Variants in ADAMTS8 observed in about 807,000 individuals in gnomAD.
ADAMTS8 encodes the protein A disintegrin and metalloproteinase with thrombospondin motifs 8.
Under a neutral mutation model 64.4 loss-of-function variants are expected in ADAMTS8, and 50 were observed. That is an observed-to-expected ratio of 0.78 (90% confidence interval 0.62 to 0.98). ADAMTS8 has a LOEUF of 0.98. Ranked by LOEUF, ADAMTS8 falls within the 50% of genes least tolerant of loss-of-function variation. The probability of loss-of-function intolerance (pLI) is 0.00; values close to 1 mark genes in which losing one functional copy is unlikely to be tolerated. For synonymous variants in ADAMTS8, 556 were observed against 533.6 expected, an observed-to-expected ratio of 1.04 and a Z score of -0.58; for missense variants, 1,192 against 1,208.2, an observed-to-expected ratio of 0.99 and a Z score of 0.20.
At chr11:130,409,023 C>T in intron 6 of ADAMTS8, 83 bp from the exon 7 acceptor site, 1 of 1,475,578 alleles carries the variant, frequency 6.8e-7, no homozygotes, top group Non-Finnish European at 9.0e-7. Context: ...ATTTACAGCA[C>T]TTTTCTTCTT....
chr11:130,427,676 G>A lies in ADAMTS8; in HGVS notation c.611C>T (p.Pro204Leu). 6.3e-7 allele frequency: 1 copy of A among 1,596,758 alleles called. No individual in the cohort carries two copies. Among genetic ancestry groups the A allele is most frequent in the South Asian group, 1.1e-5 (1 of 88,410 alleles). ...CTTGGTCCTACTCGTGGCCCCCAGGGGCGGTGGCGGCTCGCTAGCGCCTTC... is the reference window on the plus strand; with the variant it reads ...CTTGGTCCTACTCGTGGCCCCCAGGAGCGGTGGCGGCTCGCTAGCGCCTTC... ...EAEGASEPPP[P>L]LGATSRTKRF... Residue 204 changes from proline (P) to leucine (L), a missense_variant, in exon 1 of 9, where the codon CCC (proline) becomes CTC (leucine). By Grantham distance (98) the Pro-to-Leu change is moderately conservative. Transcript: ENST00000257359.
In ADAMTS8 at chr11:130,424,463, C is replaced by T. The variant is rs140803077; in HGVS notation, c.720+3104G>A. On this transcript the variant is annotated intron_variant, in intron 1 of 8. Transcript: ENST00000257359. ...GAAGCAGCCACACAGGTGCTCAGACCGGGATTGATCACCTAGTCCAGGTGT... is the reference window on the plus strand; with the variant it reads ...GAAGCAGCCACACAGGTGCTCAGACTGGGATTGATCACCTAGTCCAGGTGT... Among the ~76,000 whole-genome samples the T allele has an allele frequency of 1.5e-3, 235 of 152,268 alleles. 1 individual carries two copies. The highest frequency in any genetic ancestry group is 0.012 in the East Asian group (61 of 5,184).
intron 8 of ADAMTS8, 97 bp from the exon 9 acceptor site, chr11:130,406,225 A>G (rs1861883500): frequency 7.0e-7 from 1 of 1,429,638 alleles, no homozygotes; most frequent in Non-Finnish European, 9.3e-7. Context: ...CAGGTGGCAG[A>G]CACGAAAAAA....
intron 8 of ADAMTS8, among the ~76,000 whole-genome samples, chr11:130,407,581 G>A (rs998216353): frequency 3.9e-5 from 6 of 152,120 alleles, no homozygotes; most frequent in African/African-American, 1.4e-4. Flanking sequence ...GACCGTGAGT[G>A]GGGGAAGTGG....
rs546457234 is a variant in ADAMTS8, at chr11:130,416,357, G to A, written c.1097-27C>T. ...TGGGGAGAGAGGCCTGGTCCACTCC[G>A]CCCTGTCCTGCCTGAGGGCGCCCCA... is the stretch of plus-strand genomic sequence containing the variant. On this transcript the variant is annotated intron_variant, in intron 3 of 8. Transcript: ENST00000257359. The surrounding 1 kb of genome is among the most constrained non-coding windows in gnomAD (Gnocchi z 4.8). 42 of 1,523,520 alleles carry A rather than the reference G, an allele frequency of 2.8e-5. No individual in the cohort carries two copies. Among genetic ancestry groups the A allele is most frequent in the South Asian group, 6.1e-5 (5 of 81,990 alleles). The allele number at this position is 1,523,520 out of a possible 1,614,324, so 94.4% of individuals were successfully genotyped here. A position where few individuals can be genotyped will look rare whatever the true frequency, so the allele number is the denominator to read the frequency against.
chr11:130,422,492 C>A (rs993700855), intron 1 of ADAMTS8, among the ~76,000 whole-genome samples: 4 of 152,074 alleles, frequency 2.6e-5, no homozygotes, highest in African/African-American at 9.7e-5. Flanking sequence ...CTTTCCCTTG[C>A]GGCGCGCCTG....
intron 4 of ADAMTS8, among the ~76,000 whole-genome samples, chr11:130,415,122 T>C (rs1433843958): frequency 6.6e-6 from 1 of 152,234 alleles, no homozygotes; most frequent in African/African-American, 2.4e-5. Flanking sequence ...TTCATCCATA[T>C]CACAACCTAA....
intron 8 of ADAMTS8, among the ~76,000 whole-genome samples, chr11:130,407,833 A>T (rs902873092): frequency 4.6e-5 from 7 of 152,180 alleles, no homozygotes; most frequent in Admixed American, 6.5e-5. Context: ...TCCTCTGCAA[A>T]ATGAGGAATA....
At chr11:130,418,488 C>G (rs557386281) in intron 2 of ADAMTS8, among the ~76,000 whole-genome samples, 2 of 152,198 alleles carry the variant, frequency 1.3e-5, no homozygotes, top group Admixed American at 1.3e-4. Flanking sequence ...CTATGTGGCA[C>G]GAGAGCTGTG....
At chr11:130,420,173 G>T (rs911998813) in intron 1 of ADAMTS8, among the ~76,000 whole-genome samples, 2 of 152,162 alleles carry the variant, frequency 1.3e-5, no homozygotes, top group African/African-American at 4.8e-5. Flanking sequence ...CGAAGGGTTC[G>T]TTCCCTCCTG....
chr11:130,414,995 T>C (rs553382825), intron 4 of ADAMTS8, among the ~76,000 whole-genome samples, 163 bp from the exon 5 acceptor site: 1 of 152,342 alleles, frequency 6.6e-6, no homozygotes, highest in Admixed American at 6.5e-5. Flanking sequence ...GCATGCCTAA[T>C]TTTTGACTAT....
At chr11:130,424,710 G>T (rs1279003603) in intron 1 of ADAMTS8, among the ~76,000 whole-genome samples, 2 of 152,190 alleles carry the variant, frequency 1.3e-5, no homozygotes, top group African/African-American at 2.4e-5. Flanking sequence ...CTGGGCTCAT[G>T]GATCTGTTTT....
chr11:130,420,369 G>A (rs777508598), intron 1 of ADAMTS8, among the ~76,000 whole-genome samples: 1 of 152,174 alleles, frequency 6.6e-6, no homozygotes, highest in Non-Finnish European at 1.5e-5. Context: ...ATGGGAACTC[G>A]CTCTCCTGCC....
In ADAMTS8 at chr11:130,406,967, G is replaced by A. The variant is rs1438423317; in HGVS notation, c.2100-839C>T. 3.9e-5 allele frequency among the ~76,000 whole-genome samples: 6 copies of A among 152,156 alleles called. No homozygotes were observed. In the South Asian group the frequency reaches 6.2e-4, roughly 16 times the overall value. ...AGCTGCTTAGTTTCAGACTCTTAGAGTGTCCACAGGCCCATCTGTCTAAAG... is the reference window on the plus strand; with the variant it reads ...AGCTGCTTAGTTTCAGACTCTTAGAATGTCCACAGGCCCATCTGTCTAAAG... On this transcript the variant is annotated intron_variant, in intron 8 of 8. Coordinates refer to ENST00000257359, the MANE Select transcript of ADAMTS8 (RefSeq NM_007037.6).
In ADAMTS8 at chr11:130,411,827, A is replaced by C; in HGVS notation, c.1567-227T>G. 1 of 572,378 alleles carries C rather than the reference A, an allele frequency of 1.7e-6. No individual in the cohort carries two copies. The highest frequency in any genetic ancestry group is 2.9e-5 in the East Asian group (1 of 34,570). 35.5% of individuals were successfully genotyped at this position (572,378 alleles called of 1,614,324 possible). On this transcript the variant is annotated intron_variant, in intron 5 of 8. Transcript: ENST00000257359. This position sits in a 1 kb window ranked among gnomAD's most constrained non-coding sequence, Gnocchi z 4.2. ...TTCACTACTGACTCCTCAGTGTCTA[A>C]AACAGTGCCTTATGCTTAGTAAGGT... is the stretch of plus-strand genomic sequence containing the variant.
intron 1 of ADAMTS8, among the ~76,000 whole-genome samples, chr11:130,421,944 C>T (rs1256056169): frequency 1.3e-5 from 2 of 152,224 alleles, no homozygotes; most frequent in African/African-American, 2.4e-5. Flanking sequence ...TCCTGGCCCC[C>T]CTGAGGAGCA....
rs368001400 is a variant in ADAMTS8, at chr11:130,405,930, G to A, written c.2298C>T (p.Tyr766=). ...DILVKGTILK[Y]SGSIATLERL... is the part of the protein sequence containing the mutation. ...GCTCCAGGGTGGCGATGGAGCCGCTGTACTTCAGGATGGTCCCCTTCACCA... is the reference window on the plus strand; with the variant it reads ...GCTCCAGGGTGGCGATGGAGCCGCTATACTTCAGGATGGTCCCCTTCACCA... Residue 766 remains tyrosine, a synonymous_variant, in exon 9 of 9, where the codon TAC becomes TAT. Transcript: ENST00000257359. 6.2e-7 allele frequency: 1 copy of A among 1,614,166 alleles called. No individual in the cohort carries two copies. The highest frequency in any genetic ancestry group is 8.5e-7 in the Non-Finnish European group (1 of 1,179,986).
chr11:130,407,749 G>A (rs76479058), intron 8 of ADAMTS8, among the ~76,000 whole-genome samples: 5,372 of 152,222 alleles, frequency 0.035, 138 homozygotes, highest in African/African-American at 0.072. Flanking sequence ...GGAAAACTAG[G>A]TTCTCTTCTG....
intron 1 of ADAMTS8, 78 bp downstream of exon 1, chr11:130,427,477 CAGAGGGATTGGA>C: frequency 2.9e-6 from 1 of 339,892 alleles, no homozygotes; most frequent in Non-Finnish European, 4.6e-6. Context: ...TTTTTTTTCT[CAGAGGGATTGGA>C]AGGGGAGATT....
Sources: gnomAD v4.1 joint callset for allele counts (sites outside exome capture counted in the v4.1 genomes callset) on GRCh38, gnomAD v4.1.1 for gene constraint, Gnocchi (gnomAD v3.1) non-coding constraint, MANE v1.5 for transcripts, NCBI Gene and HGNC (gene_info 2026-07-23, HGNC 2026-07-21) for gene names.